The following CSMD1 variants were observed in gnomAD, a reference collection of about 807,000 sequenced individuals.
CSMD1 encodes CUB and sushi domain-containing protein 1.
Under a neutral mutation model 417.5 loss-of-function variants are expected in CSMD1, and 213 were observed. That is an observed-to-expected ratio of 0.51 (90% CI 0.46 to 0.57). CSMD1 has a LOEUF of 0.57. CSMD1 is among the 20% of genes least tolerant of loss of function. CSMD1 has a pLI of 0.00. For synonymous variants in CSMD1, 2,862 were observed against 1,736.8 expected, an observed-to-expected ratio of 1.65 and a Z score of -16.11; for missense variants, 6,923 against 4,529.7, an observed-to-expected ratio of 1.53 and a Z score of -15.17.
intron 2 of CSMD1, among the ~76,000 whole-genome samples, chr8:4,591,923 A>C (rs1232259059): frequency 3.9e-5 from 6 of 152,070 alleles, no homozygotes; most frequent in Non-Finnish European, 8.8e-5. Flanking sequence ...GGACTTCAGG[A>C]GATCGGAGGA....
chr8:3,976,793 A>G (rs1367166486), intron 5 of CSMD1, among the ~76,000 whole-genome samples: 6 of 152,182 alleles, frequency 3.9e-5, no homozygotes, highest in Non-Finnish European at 8.8e-5. Flanking sequence ...AATGCTGCTC[A>G]AGGTCGCATG....
intron 21 of CSMD1, among the ~76,000 whole-genome samples, chr8:3,358,460 G>A (rs574719288): frequency 5.9e-5 from 9 of 152,298 alleles, no homozygotes; most frequent in African/African-American, 1.9e-4. Context: ...CGGCAGTTAC[G>A]ATTCTCCTTT....
intron 1 of CSMD1, among the ~76,000 whole-genome samples, chr8:4,824,678 C>G (rs975590183): frequency 1.3e-5 from 2 of 152,132 alleles, no homozygotes; most frequent in African/African-American, 4.8e-5. Flanking sequence ...ACAATTTTTG[C>G]GTACACATTT....
chr8:4,968,937 T>C (rs921935500), intron 1 of CSMD1, among the ~76,000 whole-genome samples: 7 of 152,172 alleles, frequency 4.6e-5, no homozygotes, highest in African/African-American at 1.7e-4. Flanking sequence ...CATTTTGTCA[T>C]TCTCTCCATC....
chr8:3,448,992 T>C (rs1317172698), intron 12 of CSMD1, among the ~76,000 whole-genome samples: 1 of 152,112 alleles, frequency 6.6e-6, no homozygotes, highest in Non-Finnish European at 1.5e-5. Context: ...CAATCACATA[T>C]AAACAGAAAT....
chr8:4,948,472 T>C (rs936280969), intron 1 of CSMD1, among the ~76,000 whole-genome samples: 1 of 152,066 alleles, frequency 6.6e-6, no homozygotes, highest in East Asian at 1.9e-4. Flanking sequence ...GTAATCTTGA[T>C]GTCTGCATTT....
intron 5 of CSMD1, among the ~76,000 whole-genome samples, chr8:3,978,190 T>C (rs895259036): frequency 2.6e-5 from 4 of 152,154 alleles, no homozygotes; most frequent in Non-Finnish European, 5.9e-5. Flanking sequence ...AGGACTCCTG[T>C]TATTACCAAT....
intron 5 of CSMD1, among the ~76,000 whole-genome samples, chr8:3,820,743 T>C (rs993385879): frequency 1.3e-5 from 2 of 152,026 alleles, no homozygotes; most frequent in African/African-American, 4.8e-5. Flanking sequence ...GCCTGGCAAA[T>C]TGTTGTATTT....
At chr8:4,915,492 T>C (rs933992269) in intron 1 of CSMD1, among the ~76,000 whole-genome samples, 2 of 152,198 alleles carry the variant, frequency 1.3e-5, no homozygotes, top group Admixed American at 6.5e-5. Flanking sequence ...ATATATTTAT[T>C]TTTCTTGGGT....
At chr8:3,676,081 T>A (rs909564178) in intron 7 of CSMD1, among the ~76,000 whole-genome samples, 1 of 152,230 alleles carries the variant, frequency 6.6e-6, no homozygotes, top group Non-Finnish European at 1.5e-5. Flanking sequence ...CTGTATCTCT[T>A]AATTAAATAT....
chr8:3,775,096 T>G (rs1474529395), intron 5 of CSMD1, among the ~76,000 whole-genome samples: 1 of 152,202 alleles, frequency 6.6e-6, no homozygotes, highest in Non-Finnish European at 1.5e-5. Flanking sequence ...GAATTTTCTA[T>G]TTAATGTTTT....
chr8:4,067,149 G>T (rs1380559697), intron 3 of CSMD1, among the ~76,000 whole-genome samples: 1 of 152,218 alleles, frequency 6.6e-6, no homozygotes. Flanking sequence ...AAACCAAAGG[G>T]AAAGCAAGGA....
chr8:3,192,289 T>C (rs1306976368), intron 33 of CSMD1, among the ~76,000 whole-genome samples: 2 of 148,384 alleles, frequency 1.3e-5, no homozygotes, highest in African/African-American at 2.6e-5. Context: ...GGATCTCTTA[T>C]CTGAAACGTT....
chr8:4,512,043 A>T (rs1051170873), intron 2 of CSMD1, among the ~76,000 whole-genome samples: 16 of 152,202 alleles, frequency 1.1e-4, no homozygotes, highest in Non-Finnish European at 2.2e-4. Flanking sequence ...AATCCTCAAC[A>T]AAATATTAGC....
At chr8:4,584,293 G>T (rs181368245) in intron 2 of CSMD1, among the ~76,000 whole-genome samples, 2 of 151,820 alleles carry the variant, frequency 1.3e-5, no homozygotes, top group South Asian at 4.2e-4. Context: ...TGAGACAATC[G>T]CCGAGTGGTG....
At chr8:4,045,415 G>C (rs990977004) in intron 3 of CSMD1, among the ~76,000 whole-genome samples, 4 of 152,182 alleles carry the variant, frequency 2.6e-5, no homozygotes, top group South Asian at 2.1e-4. Context: ...TCAATGACAA[G>C]TGGCCACAGC....
At chr8:4,569,699 G>A in intron 2 of CSMD1, among the ~76,000 whole-genome samples, 1 of 152,226 alleles carries the variant, frequency 6.6e-6, no homozygotes, top group Middle Eastern at 3.4e-3. Flanking sequence ...AGCTTGATGG[G>A]AATAGCATTG....
chr8:3,021,355 A>C (rs1809369407), intron 51 of CSMD1, among the ~76,000 whole-genome samples: 1 of 152,236 alleles, frequency 6.6e-6, no homozygotes, highest in Non-Finnish European at 1.5e-5. Flanking sequence ...TAGTAAACTC[A>C]ATGCATTAAT....
intron 4 of CSMD1, among the ~76,000 whole-genome samples, chr8:4,002,192 T>C (rs1329936526): frequency 1.3e-5 from 2 of 151,754 alleles, no homozygotes; most frequent in Non-Finnish European, 2.9e-5. Context: ...AAAATTAGTG[T>C]TGGTGCCTGT....
Sources: gnomAD v4.1 joint callset for allele counts (sites outside exome capture counted in the v4.1 genomes callset) on GRCh38, gnomAD v4.1.1 for gene constraint, MANE v1.5 for transcripts, NCBI Gene and HGNC (gene_info 2026-07-23, HGNC 2026-07-21) for gene names.